Variants in DNAJC1 observed in about 807,000 individuals in gnomAD.
DNAJC1 encodes DnaJ heat shock protein family (Hsp40) member C1.
In DNAJC1, 58 loss-of-function variants were observed where a neutral mutation model predicts 76.6. That is an observed-to-expected ratio of 0.76 (90% confidence interval 0.61 to 0.94). The LOEUF (loss-of-function observed/expected upper bound fraction) is 0.94, where lower values mean the gene tolerates loss of function less well. Ranked by LOEUF, DNAJC1 falls within the 40% of genes least tolerant of loss-of-function variation. DNAJC1 has a pLI of 0.00. For synonymous variants in DNAJC1, 258 were observed against 267.9 expected (o/e 0.96, Z 0.36); for missense variants, 689 against 677.3 (o/e 1.02, Z -0.19).
chr10:21,923,277 C>T (rs889780631), intron 3 of DNAJC1, among the ~76,000 whole-genome samples: 3 of 151,914 alleles, frequency 2.0e-5, no homozygotes, highest in African/African-American at 7.2e-5. Flanking sequence ...GGAAAGATAG[C>T]TTCCATTATA....
At chr10:21,840,953 T>C (rs1429831319) in intron 8 of DNAJC1, among the ~76,000 whole-genome samples, 2 of 152,040 alleles carry the variant, frequency 1.3e-5, no homozygotes, top group African/African-American at 4.8e-5. Flanking sequence ...ATGCCGCATA[T>C]CTACAACTAT....
intron 9 of DNAJC1, among the ~76,000 whole-genome samples, chr10:21,786,425 G>T (rs1032709123): frequency 1.1e-5 from 1 of 91,374 alleles, no homozygotes. Flanking sequence ...TTTTAAAATG[G>T]GAATATATAT....
chr10:21,904,246 G>T (rs762687523), intron 7 of DNAJC1, among the ~76,000 whole-genome samples: 7 of 151,934 alleles, frequency 4.6e-5, no homozygotes, highest in Non-Finnish European at 1.0e-4. Flanking sequence ...AGTATTTTAG[G>T]GCTTTGCAGA....
chr10:21,843,608 T>C (rs1835607409), intron 8 of DNAJC1, among the ~76,000 whole-genome samples: 1 of 152,072 alleles, frequency 6.6e-6, no homozygotes, highest in Non-Finnish European at 1.5e-5. Flanking sequence ...TTAGCCAGGA[T>C]GGTCTCAATC....
intron 8 of DNAJC1, 30 bp from the exon 9 acceptor site, chr10:21,806,129 A>G: frequency 6.3e-7 from 1 of 1,576,034 alleles, no homozygotes. Flanking sequence ...ATAAAAAAAG[A>G]TAATTGGGAG....
At chr10:21,919,543 C>T (rs1005044598) in intron 5 of DNAJC1, among the ~76,000 whole-genome samples, 11 of 151,920 alleles carry the variant, frequency 7.2e-5, no homozygotes, top group Admixed American at 3.9e-4. Context: ...GTGATAGGTC[C>T]GTCTAATAGT....
chr10:21,995,643 T>G (rs907941843), intron 1 of DNAJC1, among the ~76,000 whole-genome samples: 2 of 152,236 alleles, frequency 1.3e-5, no homozygotes, highest in African/African-American at 4.8e-5. Flanking sequence ...ACTGCCTCAG[T>G]AGCAATAAAA....
chr10:21,931,040 T>C (rs1191722225), intron 1 of DNAJC1, among the ~76,000 whole-genome samples: 1 of 152,212 alleles, frequency 6.6e-6, no homozygotes, highest in Admixed American at 6.5e-5. Flanking sequence ...AGTCTTACCA[T>C]TCTGATCCCC....
intron 1 of DNAJC1, among the ~76,000 whole-genome samples, chr10:21,994,739 C>T (rs1176259791): frequency 1.5e-4 from 23 of 151,922 alleles, no homozygotes; most frequent in African/African-American, 4.8e-4. Context: ...TGCAGTAAGC[C>T]GAGATCGCGC....
At chr10:21,879,938 T>C (rs1005699738) in intron 8 of DNAJC1, among the ~76,000 whole-genome samples, 1 of 152,204 alleles carries the variant, frequency 6.6e-6, no homozygotes, top group Non-Finnish European at 1.5e-5. Context: ...TCACAAAATA[T>C]TTCTCTGTAG....
intron 7 of DNAJC1, among the ~76,000 whole-genome samples, chr10:21,900,300 G>A (rs1044133959): frequency 4.0e-5 from 6 of 150,632 alleles, no homozygotes; most frequent in South Asian, 2.1e-4. Context: ...CCAACATTGC[G>A]CCACTGCACT....
chr10:21,919,780 A>G, intron 5 of DNAJC1, 52 bp downstream of exon 5: 1 of 1,239,090 alleles, frequency 8.1e-7, no homozygotes. Context: ...ATCATATTAA[A>G]GATGTATTTT....
At chr10:21,825,378 T>A (rs1214170921) in intron 8 of DNAJC1, among the ~76,000 whole-genome samples, 1 of 152,240 alleles carries the variant, frequency 6.6e-6, no homozygotes, top group Admixed American at 6.5e-5. Flanking sequence ...GTCTTTTTTT[T>A]AACAAATGAA....
At chr10:21,962,323 A>G (rs1251350338) in intron 1 of DNAJC1, among the ~76,000 whole-genome samples, 1 of 151,852 alleles carries the variant, frequency 6.6e-6, no homozygotes, top group Non-Finnish European at 1.5e-5. Context: ...AAATTCCAAC[A>G]TAAGACTTTT....
intron 7 of DNAJC1, among the ~76,000 whole-genome samples, chr10:21,895,965 G>A (rs1204428489): frequency 6.6e-6 from 1 of 152,132 alleles, no homozygotes; most frequent in African/African-American, 2.4e-5. Flanking sequence ...CCACTTCAGG[G>A]GGCACAAGCA....
intron 8 of DNAJC1, among the ~76,000 whole-genome samples, chr10:21,861,300 A>C (rs887457180): frequency 6.6e-6 from 1 of 152,184 alleles, no homozygotes; most frequent in African/African-American, 2.4e-5. Flanking sequence ...GAAACAAAAT[A>C]TTAAATATTA....
At chr10:22,003,157 C>G in intron 1 of DNAJC1, 56 bp downstream of exon 1, 1 of 1,412,780 alleles carries the variant, frequency 7.1e-7, no homozygotes, top group Non-Finnish European at 9.3e-7. Flanking sequence ...GGAACCGGGT[C>G]GCCTGACGCC....
At chr10:21,959,800 C>CAAAAAAAA (rs199556961) in intron 1 of DNAJC1, among the ~76,000 whole-genome samples, 25 of 138,812 alleles carry the variant, frequency 1.8e-4, no homozygotes, top group South Asian at 2.3e-4. Flanking sequence ...AAAACAAAAA[C>CAAAAAAAA]AAAAAAAAAA....
At chr10:21,826,861 T>C (rs1040530410) in intron 8 of DNAJC1, among the ~76,000 whole-genome samples, 2 of 152,196 alleles carry the variant, frequency 1.3e-5, no homozygotes, top group Non-Finnish European at 2.9e-5. Context: ...TTGGTCTACA[T>C]ATCTGTCTGT....
Sources: gnomAD v4.1 joint callset for allele counts (sites outside exome capture counted in the v4.1 genomes callset) on GRCh38, gnomAD v4.1.1 for gene constraint, MANE v1.5 for transcripts, NCBI Gene and HGNC (gene_info 2026-07-23, HGNC 2026-07-21) for gene names.